Variants in G0S2 observed in about 807,000 individuals in gnomAD.
G0S2 encodes the protein G0/G1 switch 2.
For missense variants in G0S2, 139 were observed against 139.1 expected, an observed-to-expected ratio of 1.00 and a Z score of 0.00; for synonymous variants, 64 against 66.0, an observed-to-expected ratio of 0.97 and a Z score of 0.15.
Position 209,675,501 on chromosome 1 carries a change from G to T in G0S2, c.-81G>T. The T allele has an allele frequency of 1.7e-6, 1 of 586,720 alleles. No homozygotes were observed. Among genetic ancestry groups the T allele is most frequent in the East Asian group, 3.0e-5 (1 of 33,060 alleles). 36.3% of individuals were successfully genotyped at this position (586,720 alleles called of 1,614,324 possible). On this transcript the variant is annotated 5_prime_UTR_variant, in exon 1 of 2. Transcript: ENST00000367029. The surrounding 1 kb of genome is among the most constrained non-coding windows in gnomAD (Gnocchi z 5.4). Reference sequence around the variant, plus strand: ...GGTCGGACCAACGGACGCGCTGACCGCTGCCAACTGCAGCTCGCGCTGCCT... The same window carrying T: ...GGTCGGACCAACGGACGCGCTGACCTCTGCCAACTGCAGCTCGCGCTGCCT...
In G0S2 at chr1:209,675,470, GA is replaced by G; in HGVS notation, c.-111del. 1.7e-6 allele frequency: 1 copy of G among 579,488 alleles called. No individual in the cohort carries two copies. Among genetic ancestry groups the G allele is most frequent in the East Asian group, 3.0e-5 (1 of 32,998 alleles). The allele number at this position is 579,488 out of a possible 1,614,324, so 35.9% of individuals were successfully genotyped here. A position where few individuals can be genotyped will look rare whatever the true frequency, so the allele number is the denominator to read the frequency against. On this transcript the variant is annotated 5_prime_UTR_variant, in exon 1 of 2. Transcript: ENST00000367029. This position sits in a 1 kb window ranked among gnomAD's most constrained non-coding sequence, Gnocchi z 5.4. Reference sequence around the variant, plus strand: ...CAGCTGCCGAGAGGAGGAGAACGCTGAGGTCGGTCGGACCAACGGACGCGCT... The same window carrying G: ...CAGCTGCCGAGAGGAGGAGAACGCTGGGTCGGTCGGACCAACGGACGCGCT...
rs1460945592 is a variant in G0S2, at chr1:209,676,348, C to G, written c.*352C>G. 4.4e-6 allele frequency: 1 copy of G among 225,736 alleles called. No homozygotes were observed. The highest frequency in any genetic ancestry group is 8.6e-6 in the Non-Finnish European group (1 of 116,394). The allele number at this position is 225,736 out of a possible 1,614,324, so 14.0% of individuals were successfully genotyped here. The stretch of plus-strand genomic sequence containing the variant: ...TTATTATTATTAATTATTACAATGA[C>G]CACCATTTTGCATTTTGAAATAAAA... On this transcript the variant is annotated 3_prime_UTR_variant, in exon 2 of 2. Transcript: ENST00000367029.
rs143745964 is a variant in G0S2, at chr1:209,675,899, G to A, written c.215G>A (p.Arg72Gln). Reference protein sequence around the residue: ...AVAELQAALERQALQKQALQE... With the variant: ...AVAELQAALEQQALQKQALQE... The stretch of plus-strand genomic sequence containing the variant: ...GCGGAGCTGCAGGCCGCCCTGGAGC[G>A]ACAGGCTCTCCAGAAGCAAGCCCTG... The change falls in exon 2 of 2, where the codon CGA (arginine) becomes CAA (glutamine). Residue 72 changes from arginine (R) to glutamine (Q), a missense_variant. Arg to Gln is a conservative substitution (Grantham distance 43, BLOSUM62 1). Transcript: ENST00000367029. The surrounding 1 kb of genome is among the most constrained non-coding windows in gnomAD (Gnocchi z 5.4). 27 of 1,606,490 alleles carry A rather than the reference G, an allele frequency of 1.7e-5. No individual in the cohort carries two copies. In the African/African-American group the frequency reaches 1.9e-4, roughly 11 times the overall value.
At position 209,675,821 on chromosome 1, in the gene G0S2, T is replaced by C; in HGVS notation, c.137T>C (p.Val46Ala). ...FGVVLGLMET[V>A]CSPFTAARRL... ...GTGGTGCTCGGCCTGATGGAGACTGTGTGCAGCCCCTTCACGGCCGCCAGA... is the reference window on the plus strand; with the variant it reads ...GTGGTGCTCGGCCTGATGGAGACTGCGTGCAGCCCCTTCACGGCCGCCAGA... Residue 46 changes from valine (V) to alanine (A), a missense_variant, in exon 2 of 2, where the codon GTG (valine) becomes GCG (alanine). Coordinates refer to ENST00000367029, the MANE Select transcript of G0S2 (RefSeq NM_015714.4). This position sits in a 1 kb window ranked among gnomAD's most constrained non-coding sequence, Gnocchi z 5.4. 6.2e-7 allele frequency: 1 copy of C among 1,601,378 alleles called. No homozygotes were observed. Among genetic ancestry groups the C allele is most frequent in the Non-Finnish European group, 8.5e-7 (1 of 1,174,062 alleles).
In G0S2 at chr1:209,675,694, G is replaced by A. The variant is rs61740898; in HGVS notation, c.10G>A (p.Val4Ile). The A allele has an allele frequency of 5.9e-4, 935 of 1,590,846 alleles. 5 individuals are homozygous for A. In the African/African-American group the frequency reaches 0.011, roughly 19 times the overall value. ...AGAGCCCAGAGCCGAGATGGAAACG[G>A]TCCAGGAGCTGATCCCCCTGGCCAA... MET[V>I]QELIPLAKEM... The change falls in exon 2 of 2, where the codon GTC becomes ATC. Residue 4 changes from valine to isoleucine, a missense_variant. Transcript: ENST00000367029. The surrounding 1 kb of genome is among the most constrained non-coding windows in gnomAD (Gnocchi z 5.4).
rs73087483 is a variant in G0S2 at position 209,676,008 on chromosome 1, G to A, written c.*12G>A. ...AGCACGCCTCCTAGGAACTGTGGGA[G>A]ACCAGCGGAGTGGGAGGGAGACGCA... is the stretch of plus-strand genomic sequence containing the variant. On this transcript the variant is annotated 3_prime_UTR_variant, in exon 2 of 2. Coordinates refer to ENST00000367029, the MANE Select transcript of G0S2 (RefSeq NM_015714.4). 5.9e-6 allele frequency: 9 copies of A among 1,515,184 alleles called. No individual in the cohort carries two copies. The African/African-American group carries it at 1.3e-4, about 21-fold the overall frequency. The allele number at this position is 1,515,184 out of a possible 1,614,324, so 93.9% of individuals were successfully genotyped here. A position where few individuals can be genotyped will look rare whatever the true frequency, so the allele number is the denominator to read the frequency against.
chr1:209,675,522 T>C lies in G0S2; in HGVS notation c.-60T>C, dbSNP rs2076686347. On this transcript the variant is annotated 5_prime_UTR_variant, in exon 1 of 2. Transcript: ENST00000367029. This position sits in a 1 kb window ranked among gnomAD's most constrained non-coding sequence, Gnocchi z 5.4. ...GACCGCTGCCAACTGCAGCTCGCGC[T>C]GCCTCCTGCTCGCGCCGTGCCACTA... is the stretch of plus-strand genomic sequence containing the variant. The C allele has an allele frequency of 1.7e-6, 1 of 599,754 alleles. No homozygotes were observed. The highest frequency in any genetic ancestry group is 3.1e-5 in the Admixed American group (1 of 31,908). 37.2% of individuals were successfully genotyped at this position (599,754 alleles called of 1,614,324 possible). A position where few individuals can be genotyped will look rare whatever the true frequency, so the allele number is the denominator to read the frequency against.
rs774032195 is a variant in G0S2 at position 209,676,028 on chromosome 1, G to A, written c.*32G>A. On this transcript the variant is annotated 3_prime_UTR_variant, in exon 2 of 2. Coordinates refer to ENST00000367029, the MANE Select transcript of G0S2 (RefSeq NM_015714.4). The stretch of plus-strand genomic sequence containing the variant: ...TGGGAGACCAGCGGAGTGGGAGGGA[G>A]ACGCAGTAGACAGAGACAGACCGAG... 15 of 1,468,680 alleles carry A rather than the reference G, an allele frequency of 1.0e-5. No individual in the cohort carries two copies. The highest frequency in any genetic ancestry group is 1.4e-5 in the African/African-American group (1 of 70,054). The allele number at this position is 1,468,680 out of a possible 1,614,324, so 91.0% of individuals were successfully genotyped here. A position where few individuals can be genotyped will look rare whatever the true frequency, so the allele number is the denominator to read the frequency against.
In G0S2 at chr1:209,675,979, C is replaced by T. The variant is rs753202670; in HGVS notation, c.295C>T (p.Arg99Trp). The change falls in exon 2 of 2, where the codon CGG (arginine) becomes TGG (tryptophan). Residue 99 changes from arginine to tryptophan, a missense_variant. Arg to Trp is a moderately radical substitution (Grantham distance 101). Transcript: ENST00000367029. The surrounding 1 kb of genome is among the most constrained non-coding windows in gnomAD (Gnocchi z 5.4). ...CCTCGGCGGCCGGGCCCTGTCCAAC[C>T]GGCAGCACGCCTCCTAGGAACTGTG... The part of the protein sequence containing the change: ...TVLGGRALSN[R>W]QHAS The T allele has an allele frequency of 1.3e-6, 2 of 1,542,010 alleles. No individual in the cohort carries two copies. Among genetic ancestry groups the T allele is most frequent in the Non-Finnish European group, 1.8e-6 (2 of 1,140,692 alleles).
chr1:209,675,603 G>A lies in G0S2; in HGVS notation c.-32-50G>A. ...AAGATTAGCTGGGTGCGGGGTGGTG[G>A]GAGCCGTTCTTTGGTGGCTGAAGCC... is the stretch of plus-strand genomic sequence containing the variant. On this transcript the variant is annotated intron_variant, in intron 1 of 1. Coordinates refer to ENST00000367029, the MANE Select transcript of G0S2 (RefSeq NM_015714.4). The surrounding 1 kb of genome is among the most constrained non-coding windows in gnomAD (Gnocchi z 5.4). The A allele has an allele frequency of 1.1e-6, 1 of 900,704 alleles. No individual in the cohort carries two copies. The highest frequency in any genetic ancestry group is 1.8e-6 in the Non-Finnish European group (1 of 570,356). 55.8% of individuals were successfully genotyped at this position (900,704 alleles called of 1,614,324 possible). A position where few individuals can be genotyped will look rare whatever the true frequency, so the allele number is the denominator to read the frequency against.
rs1221608886 is a variant in G0S2, at chr1:209,676,310, A to G, written c.*314A>G. ...CATTTTGCACTAGGGAGGAAGGATA[A>G]ATGCTTTTTATGTTATTATTATTAA... On this transcript the variant is annotated 3_prime_UTR_variant, in exon 2 of 2. Transcript: ENST00000367029. 2.9e-6 allele frequency: 1 copy of G among 342,162 alleles called. No homozygotes were observed. The highest frequency in any genetic ancestry group is 2.1e-5 in the African/African-American group (1 of 47,292). 21.2% of individuals were successfully genotyped at this position (342,162 alleles called of 1,614,324 possible). A position where few individuals can be genotyped will look rare whatever the true frequency, so the allele number is the denominator to read the frequency against.
At position 209,675,938 on chromosome 1, in the gene G0S2, A is replaced by G; in HGVS notation, c.254A>G (p.Lys85Arg). ...AAGCAAGCCCTGCAGGAGAAAGGCA[A>G]GCAGCAGGACACGGTCCTCGGCGGC... ...LQKQALQEKGKQQDTVLGGRA... is the reference protein window; with the variant it reads ...LQKQALQEKGRQQDTVLGGRA... The change falls in exon 2 of 2, where the codon AAG (lysine) becomes AGG (arginine). Residue 85 changes from lysine (K) to arginine (R), a missense_variant. Transcript: ENST00000367029. The surrounding 1 kb of genome is among the most constrained non-coding windows in gnomAD (Gnocchi z 5.4). The G allele has an allele frequency of 6.3e-7, 1 of 1,589,538 alleles. No homozygotes were observed. The highest frequency in any genetic ancestry group is 1.1e-5 in the South Asian group (1 of 89,306).
At position 209,675,533 on chromosome 1, in the gene G0S2, C is replaced by T. The variant is rs978436975; in HGVS notation, c.-49C>T. The T allele has an allele frequency of 2.4e-5, 15 of 612,882 alleles. No individual in the cohort carries two copies. Among genetic ancestry groups the T allele is most frequent in the Admixed American group, 1.6e-4 (5 of 32,234 alleles). The allele number at this position is 612,882 out of a possible 1,614,324, so 38.0% of individuals were successfully genotyped here. The stretch of plus-strand genomic sequence containing the variant: ...ACTGCAGCTCGCGCTGCCTCCTGCT[C>T]GCGCCGTGCCACTAAGGTAGTCCGC... On this transcript the variant is annotated 5_prime_UTR_variant, in exon 1 of 2. Transcript: ENST00000367029. This position sits in a 1 kb window ranked among gnomAD's most constrained non-coding sequence, Gnocchi z 5.4.
chr1:209,675,722 A>G lies in G0S2; in HGVS notation c.38A>G (p.Glu13Gly). The G allele has an allele frequency of 6.2e-7, 1 of 1,602,570 alleles. No homozygotes were observed. The highest frequency in any genetic ancestry group is 1.1e-5 in the South Asian group (1 of 89,184). ...TVQELIPLAK[E>G]MMAQKRKGKM... ...CAGGAGCTGATCCCCCTGGCCAAGGAGATGATGGCCCAGAAGCGCAAGGGG... is the reference window on the plus strand; with the variant it reads ...CAGGAGCTGATCCCCCTGGCCAAGGGGATGATGGCCCAGAAGCGCAAGGGG... Residue 13 changes from glutamate (E) to glycine (G), a missense_variant, in exon 2 of 2, where the codon GAG (glutamate) becomes GGG (glycine). Physicochemically the swap from Glu to Gly is moderately conservative, Grantham distance 98. Transcript: ENST00000367029. The surrounding 1 kb of genome is among the most constrained non-coding windows in gnomAD (Gnocchi z 5.4).
At position 209,675,573 on chromosome 1, in the gene G0S2, T is replaced by C; in HGVS notation, c.-33+24T>C. On this transcript the variant is annotated intron_variant, in intron 1 of 1. Transcript: ENST00000367029. This position sits in a 1 kb window ranked among gnomAD's most constrained non-coding sequence, Gnocchi z 5.4. Reference sequence around the variant, plus strand: ...AGGTAGTCCGCCTTTCTATGAGCCCTCCCCAAGATTAGCTGGGTGCGGGGT... The same window carrying C: ...AGGTAGTCCGCCTTTCTATGAGCCCCCCCCAAGATTAGCTGGGTGCGGGGT... 1.4e-6 allele frequency: 1 copy of C among 716,118 alleles called. No individual in the cohort carries two copies. Among genetic ancestry groups the C allele is most frequent in the African/African-American group, 1.8e-5 (1 of 55,570 alleles). 44.4% of individuals were successfully genotyped at this position (716,118 alleles called of 1,614,324 possible).
rs775447110 is a variant in G0S2 at position 209,675,925 on chromosome 1, C to G, written c.241C>G (p.Gln81Glu). 3 of 1,596,634 alleles carry G rather than the reference C, an allele frequency of 1.9e-6. No individual in the cohort carries two copies. The highest frequency in any genetic ancestry group is 2.6e-6 in the Non-Finnish European group (3 of 1,168,164). ...ERQALQKQAL[Q>E]EKGKQQDTVL... ...ACAGGCTCTCCAGAAGCAAGCCCTG[C>G]AGGAGAAAGGCAAGCAGCAGGACAC... The change falls in exon 2 of 2, where the codon CAG becomes GAG. Residue 81 changes from glutamine (Q) to glutamate (E), a missense_variant. Physicochemically the swap from Gln to Glu is conservative, Grantham distance 29. Coordinates refer to ENST00000367029, the MANE Select transcript of G0S2 (RefSeq NM_015714.4). The surrounding 1 kb of genome is among the most constrained non-coding windows in gnomAD (Gnocchi z 5.4).
Position 209,675,486 on chromosome 1 carries a change from A to G in G0S2, c.-96A>G, listed in dbSNP as rs2102340346. The stretch of plus-strand genomic sequence containing the variant: ...GAGAACGCTGAGGTCGGTCGGACCA[A>G]CGGACGCGCTGACCGCTGCCAACTG... On this transcript the variant is annotated 5_prime_UTR_variant, in exon 1 of 2. Coordinates refer to ENST00000367029, the MANE Select transcript of G0S2 (RefSeq NM_015714.4). This position sits in a 1 kb window ranked among gnomAD's most constrained non-coding sequence, Gnocchi z 5.4. 3 of 583,532 alleles carry G rather than the reference A, an allele frequency of 5.1e-6. No individual in the cohort carries two copies. Among genetic ancestry groups the G allele is most frequent in the East Asian group, 3.0e-5 (1 of 33,136 alleles). 36.1% of individuals were successfully genotyped at this position (583,532 alleles called of 1,614,324 possible).
Position 209,676,068 on chromosome 1 carries a change from A to C in G0S2, c.*72A>C. On this transcript the variant is annotated 3_prime_UTR_variant, in exon 2 of 2. Transcript: ENST00000367029. ...GACAGACCGAGAGAGGAATGGAGAG[A>C]CAGAGGGGGCGCGCGCACAGGAGCC... 1 of 1,209,230 alleles carries C rather than the reference A, an allele frequency of 8.3e-7. No individual in the cohort carries two copies. The highest frequency in any genetic ancestry group is 1.1e-6 in the Non-Finnish European group (1 of 872,210). The allele number at this position is 1,209,230 out of a possible 1,614,324, so 74.9% of individuals were successfully genotyped here.
rs2076690625 is a variant in G0S2, at chr1:209,676,083, G to A, written c.*87G>A. ...GAATGGAGAGACAGAGGGGGCGCGCGCACAGGAGCCTGACTCCGCTGGGAG... is the reference window on the plus strand; with the variant it reads ...GAATGGAGAGACAGAGGGGGCGCGCACACAGGAGCCTGACTCCGCTGGGAG... On this transcript the variant is annotated 3_prime_UTR_variant, in exon 2 of 2. Coordinates refer to ENST00000367029, the MANE Select transcript of G0S2 (RefSeq NM_015714.4). 4 of 1,059,830 alleles carry A rather than the reference G, an allele frequency of 3.8e-6. No homozygotes were observed. The highest frequency in any genetic ancestry group is 2.9e-5 in the Admixed American group (1 of 34,432). 65.7% of individuals were successfully genotyped at this position (1,059,830 alleles called of 1,614,324 possible).
Sources: allele counts gnomAD v4.1 joint callset, GRCh38; gene constraint gnomAD v4.1.1; non-coding constraint Gnocchi (gnomAD v3.1); transcripts MANE v1.5; gene names NCBI Gene and HGNC (gene_info 2026-07-23, HGNC 2026-07-21).